The following BTD variants were observed in gnomAD, a reference collection of about 807,000 sequenced individuals.
BTD encodes biotinidase.
A neutral mutation model predicts 17.7 loss-of-function variants in BTD; 13 were observed. The observed-to-expected ratio is 0.74, with a 90% CI of 0.48 to 1.17. The LOEUF (loss-of-function observed/expected upper bound fraction) is 1.17, where lower values mean the gene tolerates loss of function less well. Among genes scored for constraint, BTD ranks in the 50% most tolerant of loss-of-function variants. The pLI is 0.00. For synonymous variants in BTD, 240 were observed against 245.2 expected (o/e 0.98, Z 0.20); for missense variants, 674 against 650.4 (o/e 1.04, Z -0.39).
chr3:15,705,984 A>C (rs533297964), intron 3 of BTD, among the ~76,000 whole-genome samples: 12 of 152,240 alleles, frequency 7.9e-5, no homozygotes, highest in Admixed American at 2.0e-4. Context: ...CTGGGCGACA[A>C]AGCAAGATTC....
chr3:15,644,295 T>C (rs1374142474), intron 3 of BTD, 21 bp from the exon 4 acceptor site: 1 of 1,608,368 alleles, frequency 6.2e-7, no homozygotes, highest in Admixed American at 1.7e-5. Context: ...CCTCATTTAT[T>C]TACACCTTTT....
Position 15,616,894 on chromosome 3 carries a change from G to A in BTD, c.-17+15000G>A, listed in dbSNP as rs566520734. On this transcript the variant is annotated intron_variant, in intron 1 of 3. Coordinates refer to ENST00000643237, the MANE Select transcript of BTD (RefSeq NM_001370658.1). The stretch of plus-strand genomic sequence containing the variant: ...GTCACCCAGGCTGGAGTGCAGTGGT[G>A]CAATCTCGGCTCACTGCAACCTCCG... Among the ~76,000 whole-genome samples the A allele has an allele frequency of 1.7e-3, 252 of 151,942 alleles. 2 individuals are homozygous for A. Among genetic ancestry groups the A allele is most frequent in the African/African-American group, 5.8e-3 (240 of 41,436 alleles).
chr3:15,719,377 G>C (rs1260453173), intron 4 of BTD, among the ~76,000 whole-genome samples: 1 of 152,022 alleles, frequency 6.6e-6, no homozygotes, highest in Non-Finnish European at 1.5e-5. Context: ...TTTTGTGTCT[G>C]GTTTTCTTCA....
At chr3:15,665,162 A>G (rs561865999) in intron 3 of BTD, among the ~76,000 whole-genome samples, 5 of 152,200 alleles carry the variant, frequency 3.3e-5, no homozygotes, top group Non-Finnish European at 7.3e-5. Flanking sequence ...GTAACACAAA[A>G]AGAGGAATGA....
chr3:15,625,023 C>T (rs2065034442), intron 1 of BTD, among the ~76,000 whole-genome samples: 1 of 152,244 alleles, frequency 6.6e-6, no homozygotes, highest in Non-Finnish European at 1.5e-5. Flanking sequence ...CGCACCTGGC[C>T]TAACTCTGGT....
intron 1 of BTD, among the ~76,000 whole-genome samples, chr3:15,604,986 T>C (rs999892564): frequency 1.3e-5 from 2 of 152,248 alleles, no homozygotes; most frequent in Non-Finnish European, 2.9e-5. Context: ...AGTTCCAGAC[T>C]TTCCCACATT....
exon 4 of BTD, among the ~76,000 whole-genome samples, chr3:15,712,608 A>G (rs900857121): frequency 1.3e-5 from 2 of 152,192 alleles, no homozygotes; most frequent in African/African-American, 4.8e-5. Flanking sequence ...AGGGAGCAAA[A>G]TTCACTACCC....
At chr3:15,632,119 G>A (rs923884444) in intron 1 of BTD, among the ~76,000 whole-genome samples, 3 of 151,996 alleles carry the variant, frequency 2.0e-5, no homozygotes, top group Admixed American at 6.6e-5. Flanking sequence ...ATTTCCTCCC[G>A]AACCCCCTTC....
At chr3:15,677,713 T>C (rs1421794256) in intron 3 of BTD, 2 of 493,580 alleles carry the variant, frequency 4.1e-6, no homozygotes, top group Non-Finnish European at 3.6e-6. Context: ...ATAACATATA[T>C]ATCTTCATAT....
At chr3:15,691,052 G>T (rs2068729488) in intron 3 of BTD, among the ~76,000 whole-genome samples, 1 of 151,762 alleles carries the variant, frequency 6.6e-6, no homozygotes, top group Non-Finnish European at 1.5e-5. Context: ...AGCCCTGCTT[G>T]AATATCACCA....
At chr3:15,654,085 T>C (rs923939652), downstream of BTD, among the ~76,000 whole-genome samples, 16 of 152,348 alleles carry the variant, frequency 1.1e-4, 4 homozygotes, top group East Asian at 1.9e-4. Context: ...GGGATTTAAA[T>C]ACACACACAA....
intron 3 of BTD, chr3:15,686,439 A>G: frequency 6.9e-6 from 5 of 721,210 alleles, no homozygotes; most frequent in Non-Finnish European, 1.1e-5. Flanking sequence ...AAGAATGAAA[A>G]CTATAGGTAA....
At position 15,644,733 on chromosome 3, in the gene BTD, G is replaced by A. The variant is rs762757117; in HGVS notation, c.817G>A (p.Gly273Ser). ...TCAGAAAGCTTTTGCTGTTGCCTTTGGCATCAACGTTCTGGCAGCTAATGT... is the reference window on the plus strand; with the variant it reads ...TCAGAAAGCTTTTGCTGTTGCCTTTAGCATCAACGTTCTGGCAGCTAATGT... Reference protein sequence around the residue: ...EIQKAFAVAFGINVLAANVHH... With the variant: ...EIQKAFAVAFSINVLAANVHH... The change falls in exon 4 of 4, where the codon GGC (glycine) becomes AGC (serine). Residue 273 changes from glycine (G) to serine (S), a missense_variant. Gly to Ser is a moderately conservative substitution (Grantham distance 56). Coordinates refer to ENST00000643237, the MANE Select transcript of BTD (RefSeq NM_001370658.1). The A allele has an allele frequency of 9.3e-6, 15 of 1,614,040 alleles. No homozygotes were observed. The highest frequency in any genetic ancestry group is 1.2e-5 in the Non-Finnish European group (14 of 1,180,046).
intron 3 of BTD, chr3:15,670,366 A>G: frequency 6.2e-7 from 1 of 1,613,974 alleles, no homozygotes; most frequent in Admixed American, 1.7e-5. Flanking sequence ...AATAGGAGCT[A>G]GGTTCATTCC....
chr3:15,691,270 C>T (rs2068763017), intron 3 of BTD, among the ~76,000 whole-genome samples: 1 of 152,042 alleles, frequency 6.6e-6, no homozygotes, highest in Non-Finnish European at 1.5e-5. Context: ...ATTACAGGCG[C>T]ATGCCACCAT....
chr3:15,671,578 G>GTT lies in BTD; in HGVS notation c.399+29530_399+29531dup, dbSNP rs869032190. On this transcript the variant is annotated intron_variant, in intron 3 of 3. Transcript: ENST00000672141. Reference sequence around the variant, plus strand: ...TCAACTTGGAGTCATAAACACTATAGTTTTTTTTTTGTTTTTTTTTTTTTG... The same window carrying GTT: ...TCAACTTGGAGTCATAAACACTATAGTTTTTTTTTTTTGTTTTTTTTTTTTTG... 3.2e-3 allele frequency among the ~76,000 whole-genome samples: 451 copies of GTT among 141,266 alleles called. 16 individuals are homozygous for GTT. The highest frequency in any genetic ancestry group is 0.012 in the African/African-American group (433 of 36,764). 92.7% of individuals were successfully genotyped at this position (141,266 alleles called of 152,430 possible). A position where few individuals can be genotyped will look rare whatever the true frequency, so the allele number is the denominator to read the frequency against.
At chr3:15,613,854 T>C (rs2064709336) in intron 1 of BTD, among the ~76,000 whole-genome samples, 1 of 152,136 alleles carries the variant, frequency 6.6e-6, no homozygotes, top group African/African-American at 2.4e-5. Context: ...TTTTGTTTTC[T>C]TACTTCTATT....
Position 15,601,767 on chromosome 3 carries a change from G to T in BTD, c.-144G>T, listed in dbSNP as rs957716939. On this transcript the variant is annotated 5_prime_UTR_variant, in exon 1 of 4. Coordinates refer to ENST00000643237, the MANE Select transcript of BTD (RefSeq NM_001370658.1). Reference sequence around the variant, plus strand: ...AGCAGGAGATTGCTGCCTATGCAAAGCAGGTAAGAAGCCGAACTCTGAGGC... The same window carrying T: ...AGCAGGAGATTGCTGCCTATGCAAATCAGGTAAGAAGCCGAACTCTGAGGC... 3 of 1,608,214 alleles carry T rather than the reference G, an allele frequency of 1.9e-6. No individual in the cohort carries two copies. Among genetic ancestry groups the T allele is most frequent in the Non-Finnish European group, 2.5e-6 (3 of 1,177,238 alleles).
At chr3:15,617,914 G>A (rs996722613) in intron 1 of BTD, among the ~76,000 whole-genome samples, 2 of 152,034 alleles carry the variant, frequency 1.3e-5, no homozygotes, top group Non-Finnish European at 2.9e-5. Flanking sequence ...CTTCAATATT[G>A]TATTGGCCAT....
Sources: allele counts gnomAD v4.1 joint callset (sites outside exome capture counted in the v4.1 genomes callset), GRCh38; gene constraint gnomAD v4.1.1; transcripts MANE v1.5; gene names NCBI Gene and HGNC (gene_info 2026-07-23, HGNC 2026-07-21).